The following CCL20 variants were observed in gnomAD, a reference collection of about 807,000 sequenced individuals.
CCL20 encodes C-C motif chemokine 20.
In CCL20, 8 loss-of-function variants were observed where a neutral mutation model predicts 10.8. That is an observed-to-expected ratio of 0.74 (90% CI 0.44 to 1.34). The LOEUF (loss-of-function observed/expected upper bound fraction) is 1.34. Ranked by LOEUF, CCL20 falls within the 40% of genes most tolerant of loss-of-function variation. CCL20 has a pLI of 0.01. For synonymous variants in CCL20, 40 were observed against 39.4 expected (o/e 1.02, Z -0.06); for missense variants, 107 against 117.9 (o/e 0.91, Z 0.43).
chr2:227,815,635 T>C lies in CCL20; in HGVS notation c.191+67T>C, dbSNP rs1574624651. 3.4e-6 allele frequency: 3 copies of C among 880,170 alleles called. No homozygotes were observed. In the East Asian group the frequency reaches 7.3e-5, roughly 22 times the overall value. 54.5% of individuals were successfully genotyped at this position (880,170 alleles called of 1,614,324 possible). The stretch of plus-strand genomic sequence containing the variant: ...CCTAGAAACTTCAGTTTTAAAAATG[T>C]TTGCCTTTTTAGAGTTTCATTCAGA... On this transcript the variant is annotated intron_variant, in intron 2 of 3. Transcript: ENST00000358813.
chr2:227,814,264 G>C (rs1689988757), intron 1 of CCL20, among the ~76,000 whole-genome samples: 1 of 152,142 alleles, frequency 6.6e-6, no homozygotes, highest in Non-Finnish European at 1.5e-5. Context: ...GTTTCTGGGA[G>C]TGATATAAAG....
In CCL20 at chr2:227,813,885, G is replaced by A. The variant is rs1689983114; in HGVS notation, c.-27G>A. 1.3e-6 allele frequency: 2 copies of A among 1,588,974 alleles called. No individual in the cohort carries two copies. The highest frequency in any genetic ancestry group is 1.7e-6 in the Non-Finnish European group (2 of 1,157,098). ...CAAAGAACTGGGTACTCAACACTGA[G>A]CAGATCTGTTCTTTGAGCTAAAAAC... On this transcript the variant is annotated 5_prime_UTR_variant, in exon 1 of 4. Coordinates refer to ENST00000358813, the MANE Select transcript of CCL20 (RefSeq NM_004591.3).
intron 2 of CCL20, 44 bp from the exon 3 acceptor site, chr2:227,816,263 T>C (rs1293421840): frequency 8.7e-7 from 1 of 1,152,680 alleles, no homozygotes; most frequent in East Asian, 2.4e-5. Context: ...GAAAAACCCA[T>C]TGAAAAGCTC....
chr2:227,816,428 G>A lies in CCL20; in HGVS notation c.269+44G>A, dbSNP rs200671145. 62 of 1,193,114 alleles carry A rather than the reference G, an allele frequency of 5.2e-5. No homozygotes were observed. In the East Asian group the frequency reaches 1.4e-3, roughly 27 times the overall value. 73.9% of individuals were successfully genotyped at this position (1,193,114 alleles called of 1,614,324 possible). A position where few individuals can be genotyped will look rare whatever the true frequency, so the allele number is the denominator to read the frequency against. On this transcript the variant is annotated intron_variant, in intron 3 of 3. Coordinates refer to ENST00000358813, the MANE Select transcript of CCL20 (RefSeq NM_004591.3). ...TAGCCTTTGCAAATGTTTGAGGAAAGAGGAGTGTGCAAAGGGGTGGGCCGT... is the reference window on the plus strand; with the variant it reads ...TAGCCTTTGCAAATGTTTGAGGAAAAAGGAGTGTGCAAAGGGGTGGGCCGT...
intron 1 of CCL20, among the ~76,000 whole-genome samples, chr2:227,814,253 T>A (rs918520284): frequency 5.9e-5 from 9 of 152,130 alleles, no homozygotes; most frequent in African/African-American, 2.2e-4. Flanking sequence ...GCCAAAGTGA[T>A]GTTTCTGGGA....
rs1436053582 is a variant in CCL20 at position 227,814,135 on chromosome 2, T to G, written c.76+148T>G. The G allele has an allele frequency of 5.7e-6, 4 of 700,934 alleles. No homozygotes were observed. The Admixed American group carries it at 6.8e-5, about 12-fold the overall frequency. 43.4% of individuals were successfully genotyped at this position (700,934 alleles called of 1,614,324 possible). The stretch of plus-strand genomic sequence containing the variant: ...TGGAAGTTGTCTGCCCATGGTGGAG[T>G]GGAGGAGAGAAGAGTTACTGCTGCG... On this transcript the variant is annotated intron_variant, in intron 1 of 3. Coordinates refer to ENST00000358813, the MANE Select transcript of CCL20 (RefSeq NM_004591.3).
chr2:227,816,250 T>G, intron 2 of CCL20, 57 bp from the exon 3 acceptor site: 1 of 965,930 alleles, frequency 1.0e-6, no homozygotes, highest in South Asian at 1.3e-5. Flanking sequence ...TTGTATGTTC[T>G]ATGAAAAACC....
chr2:227,814,608 G>A (rs1309321528), intron 1 of CCL20, among the ~76,000 whole-genome samples: 1 of 151,270 alleles, frequency 6.6e-6, no homozygotes, highest in Non-Finnish European at 1.5e-5. Context: ...CTGAGGCAGG[G>A]TCTAACTTCA....
At position 227,815,439 on chromosome 2, in the gene CCL20, T is replaced by C; in HGVS notation, c.77-15T>C. The C allele has an allele frequency of 2.3e-6, 2 of 855,236 alleles. No individual in the cohort carries two copies. The highest frequency in any genetic ancestry group is 2.2e-5 in the South Asian group (1 of 45,892). The allele number at this position is 855,236 out of a possible 1,614,324, so 53.0% of individuals were successfully genotyped here. On this transcript the variant is annotated splice_polypyrimidine_tract_variant and intron_variant, in intron 1 of 3. Transcript: ENST00000358813. ...TCATGTGGATCCAATACCTTTCACT[T>C]TTTTTTTTTTTTAGCAGCAAGCAAC...
At chr2:227,816,244 A>C in intron 2 of CCL20, 63 bp from the exon 3 acceptor site, 1 of 898,828 alleles carries the variant, frequency 1.1e-6, no homozygotes, top group Non-Finnish European at 1.8e-6. Flanking sequence ...TTTCCATTGT[A>C]TGTTCTATGA....
chr2:227,815,634 GT>G, intron 2 of CCL20, 66 bp downstream of exon 2: 2 of 893,734 alleles, frequency 2.2e-6, no homozygotes, highest in Admixed American at 4.5e-5. Context: ...TTTTAAAAAT[GT>G]TTGCCTTTTT....
In CCL20 at chr2:227,815,614, G is replaced by GA. The variant is rs761672548; in HGVS notation, c.191+49dup. On this transcript the variant is annotated intron_variant, in intron 2 of 3. Coordinates refer to ENST00000358813, the MANE Select transcript of CCL20 (RefSeq NM_004591.3). ...AATTCAGTTGTATCAGGAATACCTAGAAACTTCAGTTTTAAAAATGTTTGC... is the reference window on the plus strand; with the variant it reads ...AATTCAGTTGTATCAGGAATACCTAGAAAACTTCAGTTTTAAAAATGTTTGC... The GA allele has an allele frequency of 6.6e-6, 7 of 1,054,348 alleles. No homozygotes were observed. In the East Asian group the frequency reaches 1.7e-4, roughly 25 times the overall value. The allele number at this position is 1,054,348 out of a possible 1,614,324, so 65.3% of individuals were successfully genotyped here.
intron 1 of CCL20, chr2:227,815,239 A>T: frequency 2.7e-6 from 1 of 373,876 alleles, no homozygotes; most frequent in Non-Finnish European, 4.8e-6. Flanking sequence ...TCGGCACACA[A>T]ACTGTTTTTT....
At chr2:227,814,510 C>G (rs1689993818) in intron 1 of CCL20, among the ~76,000 whole-genome samples, 1 of 152,142 alleles carries the variant, frequency 6.6e-6, no homozygotes, top group African/African-American at 2.4e-5. Context: ...TCGGGAATGT[C>G]CAAGTATTGC....
intron 3 of CCL20, among the ~76,000 whole-genome samples, 170 bp from the exon 4 acceptor site, chr2:227,816,892 T>G (rs1300685337): frequency 1.3e-5 from 2 of 152,218 alleles, no homozygotes; most frequent in Admixed American, 6.5e-5. Context: ...TGAGTTAGGT[T>G]GGGCAAGGGC....
At chr2:227,815,263 A>G (rs971250602) in intron 1 of CCL20, 191 bp from the exon 2 acceptor site, 1 of 409,478 alleles carries the variant, frequency 2.4e-6, no homozygotes, top group Non-Finnish European at 4.3e-6. Flanking sequence ...AGAACTGTAA[A>G]CTATGTTAGA....
Position 227,817,144 on chromosome 2 carries a change from G to A in CCL20, c.*61G>A, listed in dbSNP as rs1690035270. 3 of 1,398,912 alleles carry A rather than the reference G, an allele frequency of 2.1e-6. No individual in the cohort carries two copies. The Admixed American group carries it at 5.2e-5, about 24-fold the overall frequency. The allele number at this position is 1,398,912 out of a possible 1,614,324, so 86.7% of individuals were successfully genotyped here. ...CCCAAGAACAGAAAGAACCTTGCTG[G>A]GGTTGGAGGTTTCACTTGCACATCA... is the stretch of plus-strand genomic sequence containing the variant. On this transcript the variant is annotated 3_prime_UTR_variant, in exon 4 of 4. Transcript: ENST00000358813.
chr2:227,815,634 G>A lies in CCL20; in HGVS notation c.191+66G>A, dbSNP rs927825343. ...ACCTAGAAACTTCAGTTTTAAAAAT[G>A]TTTGCCTTTTTAGAGTTTCATTCAG... is the stretch of plus-strand genomic sequence containing the variant. On this transcript the variant is annotated intron_variant, in intron 2 of 3. Coordinates refer to ENST00000358813, the MANE Select transcript of CCL20 (RefSeq NM_004591.3). 1.1e-5 allele frequency: 10 copies of A among 893,616 alleles called. No homozygotes were observed. The African/African-American group carries it at 1.7e-4, about 15-fold the overall frequency. 55.4% of individuals were successfully genotyped at this position (893,616 alleles called of 1,614,324 possible).
intron 1 of CCL20, among the ~76,000 whole-genome samples, chr2:227,814,425 C>T (rs1228645417): frequency 2.0e-5 from 3 of 152,170 alleles, no homozygotes; most frequent in African/African-American, 7.2e-5. Context: ...AACATCCCCA[C>T]AAGGCATGGG....
Sources: gnomAD v4.1 joint callset for allele counts (sites outside exome capture counted in the v4.1 genomes callset) on GRCh38, gnomAD v4.1.1 for gene constraint, MANE v1.5 for transcripts, NCBI Gene and HGNC (gene_info 2026-07-23, HGNC 2026-07-21) for gene names.